IGF2BP3: variants seen among roughly 807,000 people sequenced by gnomAD.
IGF2BP3 encodes insulin-like growth factor 2 mRNA-binding protein 3.
IGF2BP3 carries 9 observed loss-of-function variants against 73.8 expected under a neutral mutation model. That is an observed-to-expected ratio of 0.12 (90% CI 0.07 to 0.21). IGF2BP3 has a LOEUF of 0.21. Ranked by LOEUF, IGF2BP3 falls within the 10% of genes least tolerant of loss-of-function variation. IGF2BP3 has a pLI of 1.00. For synonymous variants in IGF2BP3, 258 were observed against 256.7 expected (o/e 1.01, Z -0.05); for missense variants, 542 against 714.0 (o/e 0.76, Z 2.75).
At chr7:23,388,341 A>G (rs193082890) in intron 3 of IGF2BP3, among the ~76,000 whole-genome samples, 42 of 152,294 alleles carry the variant, frequency 2.8e-4, no homozygotes, top group Middle Eastern at 3.4e-3. Context: ...TCCTTTATCA[A>G]CTTAGGTTCA....
At chr7:23,463,996 T>C (rs1340629187) in intron 2 of IGF2BP3, among the ~76,000 whole-genome samples, 1 of 152,166 alleles carries the variant, frequency 6.6e-6, no homozygotes. Context: ...TGAGAAACTT[T>C]CCCGAATCGC....
intron 2 of IGF2BP3, chr7:23,431,424 T>C (rs993839153): frequency 6.6e-6 from 1 of 152,162 alleles, no homozygotes; most frequent in Non-Finnish European, 1.5e-5. Context: ...CTAGATACTT[T>C]AGGTCAGTCT....
At chr7:23,443,982 C>G (rs1787998645) in intron 2 of IGF2BP3, among the ~76,000 whole-genome samples, 2 of 152,106 alleles carry the variant, frequency 1.3e-5, no homozygotes, top group Admixed American at 1.3e-4. Flanking sequence ...GCACTTCTGC[C>G]TGGGAAACAG....
At chr7:23,324,276 G>C (rs1243717540) in intron 10 of IGF2BP3, among the ~76,000 whole-genome samples, 10 of 151,186 alleles carry the variant, frequency 6.6e-5, no homozygotes, top group Admixed American at 1.3e-4. Context: ...ACTACCATCA[G>C]AGAATACTAC....
At chr7:23,428,549 T>A (rs1394328153) in intron 2 of IGF2BP3, among the ~76,000 whole-genome samples, 1 of 149,010 alleles carries the variant, frequency 6.7e-6, no homozygotes, top group African/African-American at 2.4e-5. Flanking sequence ...ATAATATATA[T>A]TTTTAAAAAT....
intron 3 of IGF2BP3, among the ~76,000 whole-genome samples, chr7:23,375,805 G>A (rs1264678800): frequency 6.6e-6 from 1 of 152,154 alleles, no homozygotes; most frequent in Non-Finnish European, 1.5e-5. Context: ...AGCAACTGGA[G>A]GAGGAGAAGA....
At chr7:23,401,147 A>T (rs899689818) in intron 3 of IGF2BP3, among the ~76,000 whole-genome samples, 1 of 152,220 alleles carries the variant, frequency 6.6e-6, no homozygotes, top group African/African-American at 2.4e-5. Flanking sequence ...CCTTTTAAAA[A>T]TTGTAACTTT....
intron 10 of IGF2BP3, among the ~76,000 whole-genome samples, chr7:23,322,289 G>A (rs1387211086): frequency 1.3e-5 from 2 of 152,352 alleles, no homozygotes; most frequent in East Asian, 3.9e-4. Flanking sequence ...AGCCTCAGGA[G>A]CCGATGTGAT....
intron 10 of IGF2BP3, among the ~76,000 whole-genome samples, chr7:23,333,949 T>G (rs911352054): frequency 1.3e-5 from 2 of 152,220 alleles, no homozygotes; most frequent in African/African-American, 2.4e-5. Context: ...AATTTTCCTC[T>G]GGGAATGTAA....
chr7:23,410,378 T>C (rs1786981611), intron 3 of IGF2BP3, among the ~76,000 whole-genome samples: 1 of 152,068 alleles, frequency 6.6e-6, no homozygotes, highest in Admixed American at 6.6e-5. Context: ...ATAAAGGGCA[T>C]GATGACCTTT....
At chr7:23,439,482 A>AG in intron 2 of IGF2BP3, among the ~76,000 whole-genome samples, 1 of 130,064 alleles carries the variant, frequency 7.7e-6, no homozygotes, top group African/African-American at 2.9e-5. Context: ...TGGCGTGAGT[A>AG]GGGGGCGGAG....
At chr7:23,454,570 CCAA>C (rs1356920944) in intron 2 of IGF2BP3, among the ~76,000 whole-genome samples, 3 of 152,146 alleles carry the variant, frequency 2.0e-5, no homozygotes, top group African/African-American at 7.2e-5. Context: ...CATTTAATTC[CCAA>C]CAACCCTCTG....
intron 2 of IGF2BP3, among the ~76,000 whole-genome samples, chr7:23,433,895 C>T (rs1290783008): frequency 6.6e-6 from 1 of 151,856 alleles, no homozygotes; most frequent in Non-Finnish European, 1.5e-5. Context: ...GCCAACATGG[C>T]GAAAGCCCAT....
intron 12 of IGF2BP3, among the ~76,000 whole-genome samples, chr7:23,316,179 A>T (rs1302612063): frequency 2.6e-5 from 4 of 152,184 alleles, no homozygotes; most frequent in Admixed American, 1.3e-4. Context: ...TTCTTTCTTC[A>T]CCTAACCACC....
intron 5 of IGF2BP3, among the ~76,000 whole-genome samples, chr7:23,351,929 G>A (rs908553986): frequency 6.6e-6 from 1 of 152,202 alleles, no homozygotes; most frequent in Non-Finnish European, 1.5e-5. Flanking sequence ...AACGGTTTAG[G>A]AATAGCTAAG....
intron 2 of IGF2BP3, among the ~76,000 whole-genome samples, chr7:23,432,972 A>G (rs1787723276): frequency 6.6e-6 from 1 of 152,230 alleles, no homozygotes; most frequent in East Asian, 1.9e-4. Flanking sequence ...CACCAGTATT[A>G]CAACCACAGA....
chr7:23,406,757 G>A (rs1332783015), intron 3 of IGF2BP3, among the ~76,000 whole-genome samples: 1 of 152,108 alleles, frequency 6.6e-6, no homozygotes, highest in African/African-American at 2.4e-5. Flanking sequence ...TTTACAGAGT[G>A]CTGATTGGTC....
intron 10 of IGF2BP3, among the ~76,000 whole-genome samples, chr7:23,324,352 C>A (rs974887884): frequency 7.2e-4 from 110 of 151,964 alleles, no homozygotes; most frequent in African/African-American, 2.3e-3. Flanking sequence ...ACACATACAC[C>A]CTCCCAAGAC....
At chr7:23,429,548 C>T (rs1787614576) in intron 2 of IGF2BP3, among the ~76,000 whole-genome samples, 1 of 152,074 alleles carries the variant, frequency 6.6e-6, no homozygotes. Context: ...AATAACTTCA[C>T]AAAAAAGTAT....
Sources: allele counts gnomAD v4.1 joint callset (sites outside exome capture counted in the v4.1 genomes callset), GRCh38; gene constraint gnomAD v4.1.1; transcripts MANE v1.5; gene names NCBI Gene and HGNC (gene_info 2026-07-23, HGNC 2026-07-21).